Variants in USH2A observed in about 807,000 individuals in gnomAD.
USH2A encodes Usher syndrome 2A (autosomal recessive, mild).
A neutral mutation model predicts 538.9 loss-of-function variants in USH2A; 443 were observed. The observed-to-expected ratio is 0.82, with a 90% CI of 0.76 to 0.89. The LOEUF is 0.89. Among genes scored for constraint, USH2A ranks in the 40% least tolerant of loss-of-function variants. USH2A has a pLI of 0.00. For missense variants in USH2A, 6,633 were observed against 6,324.8 expected (o/e 1.05, Z -1.65); for synonymous variants, 2,413 against 2,273.5 (o/e 1.06, Z -1.75).
intron 40 of USH2A, among the ~76,000 whole-genome samples, chr1:215,894,407 G>T (rs1287804906): frequency 6.6e-6 from 1 of 152,136 alleles, no homozygotes; most frequent in East Asian, 1.9e-4. Context: ...GCACTTAAAT[G>T]ATTCGGAAGT....
intron 47 of USH2A, among the ~76,000 whole-genome samples, chr1:215,819,994 T>C (rs1289087940): frequency 6.6e-6 from 1 of 151,664 alleles, no homozygotes; most frequent in African/African-American, 2.4e-5. Context: ...TGCTTTGATG[T>C]TTAAGAGTAA....
At chr1:215,864,326 G>T (rs1406896442) in intron 44 of USH2A, among the ~76,000 whole-genome samples, 1 of 152,090 alleles carries the variant, frequency 6.6e-6, no homozygotes, top group Admixed American at 6.5e-5. Flanking sequence ...TCTGAGGATT[G>T]TATAAATAAT....
At chr1:215,732,216 G>A (rs768442665) in intron 60 of USH2A, among the ~76,000 whole-genome samples, 1 of 152,170 alleles carries the variant, frequency 6.6e-6, no homozygotes, top group Non-Finnish European at 1.5e-5. Context: ...ATTTGTGAAG[G>A]TTGAATCGTC....
intron 56 of USH2A, among the ~76,000 whole-genome samples, chr1:215,762,112 G>A (rs1660997988): frequency 6.6e-6 from 1 of 152,156 alleles, no homozygotes; most frequent in South Asian, 2.1e-4. Flanking sequence ...ATTTTGTTCT[G>A]AGAGTCTGCT....
At chr1:216,397,444 A>G (rs1215743907) in intron 3 of USH2A, among the ~76,000 whole-genome samples, 1 of 152,214 alleles carries the variant, frequency 6.6e-6, no homozygotes, top group Non-Finnish European at 1.5e-5. Context: ...GGAGATTGAC[A>G]TATAAGCCAG....
intron 11 of USH2A, among the ~76,000 whole-genome samples, chr1:216,262,824 A>G (rs1394827611): frequency 6.6e-6 from 1 of 152,064 alleles, no homozygotes; most frequent in East Asian, 1.9e-4. Flanking sequence ...GAGACCAAAA[A>G]CAATACAAAA....
intron 14 of USH2A, among the ~76,000 whole-genome samples, chr1:216,219,230 A>T (rs1254952046): frequency 1.3e-5 from 2 of 151,988 alleles, no homozygotes; most frequent in East Asian, 3.9e-4. Context: ...TCTATTCTTG[A>T]TTTTATAGTC....
At chr1:216,162,945 C>G (rs551655881) in intron 21 of USH2A, among the ~76,000 whole-genome samples, 2 of 152,116 alleles carry the variant, frequency 1.3e-5, no homozygotes, top group Admixed American at 1.3e-4. Context: ...CAGCATCAAT[C>G]TTCTCTCTGG....
chr1:215,910,518 A>G (rs1023547134), intron 38 of USH2A, among the ~76,000 whole-genome samples: 6 of 151,166 alleles, frequency 4.0e-5, no homozygotes, highest in Non-Finnish European at 7.4e-5. Flanking sequence ...TAATGTATCA[A>G]GTGGTTACAC....
intron 43 of USH2A, among the ~76,000 whole-genome samples, chr1:215,869,015 C>T (rs1664556087): frequency 6.6e-6 from 1 of 152,166 alleles, no homozygotes; most frequent in South Asian, 2.1e-4. Flanking sequence ...AATACATATG[C>T]TTTTTAGCAA....
At chr1:215,724,205 A>G (rs1005294240) in intron 61 of USH2A, among the ~76,000 whole-genome samples, 5 of 128,964 alleles carry the variant, frequency 3.9e-5, no homozygotes, top group African/African-American at 1.4e-4. Flanking sequence ...ATATATGGAT[A>G]TATATAGAAT....
chr1:215,942,030 G>A (rs1365929906), intron 37 of USH2A, among the ~76,000 whole-genome samples: 3 of 152,006 alleles, frequency 2.0e-5, no homozygotes, highest in African/African-American at 4.8e-5. Flanking sequence ...CTGTGCTCAG[G>A]GTCTCAAAAG....
chr1:216,254,197 A>G (rs1438993870), intron 11 of USH2A, among the ~76,000 whole-genome samples: 1 of 152,190 alleles, frequency 6.6e-6, no homozygotes, highest in Admixed American at 6.6e-5. Context: ...ACTATATCTT[A>G]AAATGTAGTT....
chr1:216,296,767 G>A (rs933882253), intron 9 of USH2A, among the ~76,000 whole-genome samples: 13 of 151,962 alleles, frequency 8.6e-5, no homozygotes, highest in African/African-American at 3.1e-4. Flanking sequence ...TGTCAGCTAT[G>A]GGTCTTTAGC....
At chr1:215,878,018 G>T in intron 42 of USH2A, 138 bp from the exon 43 acceptor site, 1 of 1,266,078 alleles carries the variant, frequency 7.9e-7, no homozygotes, top group Non-Finnish European at 1.1e-6. Context: ...TTACAGTTAC[G>T]TGGTTTTGTT....
intron 61 of USH2A, among the ~76,000 whole-genome samples, chr1:215,706,581 T>C (rs1051194532): frequency 2.6e-5 from 4 of 152,168 alleles, no homozygotes; most frequent in Non-Finnish European, 4.4e-5. Context: ...GTTAACTGGT[T>C]ATCACCAATC....
intron 38 of USH2A, among the ~76,000 whole-genome samples, chr1:215,903,604 G>T (rs891868401): frequency 6.6e-6 from 1 of 152,090 alleles, no homozygotes; most frequent in Non-Finnish European, 1.5e-5. Flanking sequence ...CACACTGGCT[G>T]CCAAACAGAG....
At position 215,638,076 on chromosome 1, in the gene USH2A, T is replaced by C. The variant is rs559341075; in HGVS notation, c.15052+1079A>G. On this transcript the variant is annotated intron_variant, in intron 69 of 71. Transcript: ENST00000307340. ...ATCAACAGTCAATCATAATCTTTTA[T>C]GGAGAATAAAAGACACTTTCCAAAT... is the stretch of plus-strand genomic sequence containing the variant. 3.9e-5 allele frequency among the ~76,000 whole-genome samples: 6 copies of C among 152,334 alleles called. No individual in the cohort carries two copies. In the South Asian group the frequency reaches 1.2e-3, roughly 32 times the overall value.
At chr1:216,202,029 T>C (rs2035012673) in intron 16 of USH2A, among the ~76,000 whole-genome samples, 1 of 152,240 alleles carries the variant, frequency 6.6e-6, no homozygotes, top group East Asian at 1.9e-4. Flanking sequence ...CTAGATTAGA[T>C]TAAAGTTACC....
Sources: gnomAD v4.1 joint callset for allele counts (sites outside exome capture counted in the v4.1 genomes callset) on GRCh38, gnomAD v4.1.1 for gene constraint, MANE v1.5 for transcripts, NCBI Gene and HGNC (gene_info 2026-07-23, HGNC 2026-07-21) for gene names.